The following PTGER3 variants were observed in gnomAD, a reference collection of about 807,000 sequenced individuals.
PTGER3 encodes prostaglandin E receptor 3.
In PTGER3, 22 loss-of-function variants were observed where a neutral mutation model predicts 34.7. The observed-to-expected ratio is 0.63, with a 90% confidence interval of 0.45 to 0.91. The LOEUF (loss-of-function observed/expected upper bound fraction) is 0.91. Ranked by LOEUF, PTGER3 falls within the 40% of genes least tolerant of loss-of-function variation. PTGER3 has a pLI of 0.00. For missense variants in PTGER3, 468 were observed against 519.4 expected (o/e 0.90, Z 0.96); for synonymous variants, 241 against 230.1 (o/e 1.05, Z -0.43).
chr1:70,990,180 CCT>C (rs1308987095), intron 2 of PTGER3, among the ~76,000 whole-genome samples: 1 of 151,368 alleles, frequency 6.6e-6, no homozygotes, highest in Non-Finnish European at 1.5e-5. Flanking sequence ...GGTGAAACCC[CCT>C]CTCTACTAAA....
chr1:71,040,807 T>A (rs1209021318), intron 1 of PTGER3, among the ~76,000 whole-genome samples: 1 of 151,990 alleles, frequency 6.6e-6, no homozygotes. Flanking sequence ...AAATGCGGGG[T>A]ATCATGAGAT....
intron 4 of PTGER3, among the ~76,000 whole-genome samples, chr1:70,883,787 G>C (rs1646441356): frequency 6.6e-6 from 1 of 152,160 alleles, no homozygotes; most frequent in Non-Finnish European, 1.5e-5. Flanking sequence ...ACATGGCCAG[G>C]CACGTTGGCT....
chr1:70,973,213 TAGATAGATGATAGATA>T (rs1480737402), intron 3 of PTGER3, among the ~76,000 whole-genome samples: 26 of 130,712 alleles, frequency 2.0e-4, no homozygotes, highest in Admixed American at 4.9e-4. Context: ...GATAGATAGA[TAGATAGATGATAGATA>T]GATAGATAGA....
intron 4 of PTGER3, among the ~76,000 whole-genome samples, chr1:70,897,064 C>T (rs1646735972): frequency 6.6e-6 from 1 of 152,088 alleles, no homozygotes; most frequent in South Asian, 2.1e-4. Flanking sequence ...GGGATAAGTG[C>T]CTGAGGTCTG....
intron 1 of PTGER3, among the ~76,000 whole-genome samples, chr1:71,028,688 G>A (rs929359760): frequency 2.0e-5 from 3 of 151,990 alleles, no homozygotes; most frequent in African/African-American, 7.2e-5. Flanking sequence ...AGGCATTAGA[G>A]CAACTGTTTT....
intron 1 of PTGER3, among the ~76,000 whole-genome samples, chr1:71,040,326 G>A (rs76411863): frequency 0.023 from 3,425 of 152,168 alleles, 130 homozygotes; most frequent in African/African-American, 0.079. Context: ...CAAGGCCAGC[G>A]CGGTGGCTCG....
At chr1:71,036,838 C>CAAA (rs5775047) in intron 1 of PTGER3, among the ~76,000 whole-genome samples, 13 of 142,130 alleles carry the variant, frequency 9.1e-5, no homozygotes, top group African/African-American at 3.2e-4. Flanking sequence ...GACTTTGTCT[C>CAAA]AAAAAAAAAA....
chr1:71,029,959 T>TAATAATAATAATAAC (rs1020386414), intron 1 of PTGER3, among the ~76,000 whole-genome samples: 15 of 131,368 alleles, frequency 1.1e-4, no homozygotes, highest in African/African-American at 4.2e-4. Context: ...ATAATAATAA[T>TAATAATAATAATAAC]AACAAAATAA....
intron 2 of PTGER3, among the ~76,000 whole-genome samples, chr1:70,985,360 A>G (rs1422975615): frequency 6.6e-6 from 1 of 152,160 alleles, no homozygotes; most frequent in East Asian, 1.9e-4. Context: ...AGGCAGTGGA[A>G]AGCTGAACAC....
At chr1:70,907,511 T>A (rs543886511) in intron 4 of PTGER3, among the ~76,000 whole-genome samples, 1 of 152,368 alleles carries the variant, frequency 6.6e-6, no homozygotes, top group South Asian at 2.1e-4. Context: ...TAGTGGAAAT[T>A]GAGCCTGCTC....
At chr1:71,017,793 CTTGCTCTGTTCCCCAGGCTGGAA>C (rs1359540969) in intron 1 of PTGER3, among the ~76,000 whole-genome samples, 1 of 152,190 alleles carries the variant, frequency 6.6e-6, no homozygotes, top group African/African-American at 2.4e-5. Flanking sequence ...TTGAGACAGT[CTTGCTCTGTTCCCCAGGCTGGAA>C]TGCAGTGGTG....
At chr1:70,893,196 T>C (rs1646656389) in intron 4 of PTGER3, among the ~76,000 whole-genome samples, 1 of 152,224 alleles carries the variant, frequency 6.6e-6, no homozygotes, top group South Asian at 2.1e-4. Context: ...CCAGGCACCT[T>C]GTACCATCTA....
chr1:71,008,078 A>G, intron 2 of PTGER3: 1 of 982,938 alleles, frequency 1.0e-6, no homozygotes, highest in Non-Finnish European at 1.2e-6. Flanking sequence ...CCTCTTAAAA[A>G]CAATCCCAGC....
intron 2 of PTGER3, among the ~76,000 whole-genome samples, chr1:70,994,219 TA>T (rs1472633289): frequency 4.6e-5 from 7 of 151,886 alleles, no homozygotes; most frequent in Non-Finnish European, 8.8e-5. Flanking sequence ...CTCAGAAACT[TA>T]ATATAAGAAC....
intron 2 of PTGER3, among the ~76,000 whole-genome samples, chr1:71,005,305 T>G (rs1290521570): frequency 6.6e-6 from 1 of 152,148 alleles, no homozygotes; most frequent in Non-Finnish European, 1.5e-5. Context: ...ACCACTAAAG[T>G]TTAGTCCATT....
At chr1:71,020,080 G>A (rs748992000) in intron 1 of PTGER3, among the ~76,000 whole-genome samples, 1 of 152,126 alleles carries the variant, frequency 6.6e-6, no homozygotes. Flanking sequence ...AGTTAATTAT[G>A]TAATTTGAAG....
In PTGER3 at chr1:70,956,124, C is replaced by T. The variant is rs186674650; in HGVS notation, c.1078-2335G>A. Among the ~76,000 whole-genome samples the T allele has an allele frequency of 1.4e-4, 21 of 152,226 alleles. No homozygotes were observed. The East Asian group carries it at 3.7e-3, about 27-fold the overall frequency. ...GAAGTGTGAATTCATTACAGGATAT[C>T]GTGAATGTTGTTAAGTGGATCATAC... is the stretch of plus-strand genomic sequence containing the variant. On this transcript the variant is annotated intron_variant, in intron 2 of 3. Transcript: ENST00000356595.
At chr1:70,887,483 G>A (rs1406375883) in intron 4 of PTGER3, among the ~76,000 whole-genome samples, 1 of 152,028 alleles carries the variant, frequency 6.6e-6, no homozygotes, top group African/African-American at 2.4e-5. Flanking sequence ...CATTTTTGGT[G>A]GAATGAGGAA....
chr1:71,009,159 A>G, intron 2 of PTGER3: 1 of 985,286 alleles, frequency 1.0e-6, no homozygotes, highest in Non-Finnish European at 1.2e-6. Context: ...ATCCAATATT[A>G]GAATACTGCC....
Sources: gnomAD v4.1 joint callset for allele counts (sites outside exome capture counted in the v4.1 genomes callset) on GRCh38, gnomAD v4.1.1 for gene constraint, MANE v1.5 for transcripts, NCBI Gene and HGNC (gene_info 2026-07-23, HGNC 2026-07-21) for gene names.